Variants in SLC6A20 observed in about 807,000 individuals in gnomAD.
The protein encoded by SLC6A20 is solute carrier family 6 member 20.
Under a neutral mutation model 64.3 loss-of-function variants are expected in SLC6A20, and 73 were observed. The observed-to-expected ratio is 1.14, with a 90% CI of 0.94 to 1.38. The LOEUF (loss-of-function observed/expected upper bound fraction) is 1.38. SLC6A20 is among the 40% of genes most tolerant of loss of function. The pLI, the probability that SLC6A20 is intolerant of heterozygous loss-of-function variation, is 0.00. For missense variants in SLC6A20, 725 were observed against 772.8 expected (o/e 0.94, Z 0.73); for synonymous variants, 347 against 329.6 (o/e 1.05, Z -0.57).
At chr3:45,773,366 A>G (rs1699909918) in intron 4 of SLC6A20, among the ~76,000 whole-genome samples, 1 of 152,176 alleles carries the variant, frequency 6.6e-6, no homozygotes, top group East Asian at 1.9e-4. Context: ...TGTCAACCAG[A>G]TCTTCTTTCT....
intron 1 of SLC6A20, among the ~76,000 whole-genome samples, chr3:45,784,886 A>AAGGGAGCAAG (rs1398786891): frequency 3.9e-5 from 6 of 152,070 alleles, no homozygotes; most frequent in Non-Finnish European, 8.8e-5. Flanking sequence ...AGAGGGAGCA[A>AAGGGAGCAAG]AGGGAGCAAG....
At position 45,765,463 on chromosome 3, in the gene SLC6A20, G is replaced by T; in HGVS notation, c.1303+74C>A. 6.6e-7 allele frequency: 1 copy of T among 1,516,400 alleles called. No individual in the cohort carries two copies. Among genetic ancestry groups the T allele is most frequent in the East Asian group, 2.4e-5 (1 of 40,980 alleles). 93.9% of individuals were successfully genotyped at this position (1,516,400 alleles called of 1,614,324 possible). ...CCTGAACCAGCCCATGACCCCTGAGGGAGCTCTCCCCTGTTCACCCCCACG... is the reference window on the plus strand; with the variant it reads ...CCTGAACCAGCCCATGACCCCTGAGTGAGCTCTCCCCTGTTCACCCCCACG... On this transcript the variant is annotated intron_variant, in intron 8 of 10. Coordinates refer to ENST00000358525, the MANE Select transcript of SLC6A20 (RefSeq NM_020208.4). The surrounding 1 kb of genome is among the most constrained non-coding windows in gnomAD (Gnocchi z 4.2).
chr3:45,789,874 G>A (rs1700221534), intron 1 of SLC6A20, among the ~76,000 whole-genome samples: 1 of 152,136 alleles, frequency 6.6e-6, no homozygotes, highest in Non-Finnish European at 1.5e-5. Flanking sequence ...TTACAGGCAT[G>A]AGCCTCCACA....
intron 1 of SLC6A20, among the ~76,000 whole-genome samples, chr3:45,785,472 C>A (rs1700154557): frequency 6.6e-6 from 1 of 152,188 alleles, no homozygotes; most frequent in Admixed American, 6.5e-5. Context: ...TTCTCCCGTG[C>A]TGGATGCTTC....
At chr3:45,773,178 A>G (rs1699905973) in intron 4 of SLC6A20, among the ~76,000 whole-genome samples, 1 of 152,166 alleles carries the variant, frequency 6.6e-6, no homozygotes, top group African/African-American at 2.4e-5. Context: ...TTTCCCCAGG[A>G]CTGGGGCCTG....
rs138228963 is a variant in SLC6A20, at chr3:45,782,814, T to C, written c.122-591A>G. On this transcript the variant is annotated intron_variant, in intron 1 of 10. Transcript: ENST00000358525. ...CAGCCATGTCAGTTGTTGAACTCTT[T>C]AAATTCATCCTCGCTGGGAGGCAAA... Among the ~76,000 whole-genome samples the C allele has an allele frequency of 3.1e-4, 47 of 152,354 alleles. No homozygotes were observed. The East Asian group carries it at 7.7e-3, about 25-fold the overall frequency.
chr3:45,772,301 T>G (rs150381311), intron 5 of SLC6A20: 1 of 526,160 alleles, frequency 1.9e-6, no homozygotes, highest in East Asian at 3.4e-5. Flanking sequence ...GCTCCAGAAT[T>G]AACAGGGAGT....
chr3:45,780,747 C>CG (rs1700069492), intron 2 of SLC6A20, among the ~76,000 whole-genome samples: 2 of 152,160 alleles, frequency 1.3e-5, no homozygotes, highest in African/African-American at 4.8e-5. Flanking sequence ...TGAGAACCAG[C>CG]GTCCCCTCCT....
chr3:45,775,674 G>C (rs1229895075), intron 4 of SLC6A20, 87 bp downstream of exon 4: 1 of 1,320,560 alleles, frequency 7.6e-7, no homozygotes, highest in Admixed American at 2.0e-5. Context: ...CCTTGGCATT[G>C]CCTAGGGTTG....
chr3:45,761,795 C>G (rs1699687343), intron 9 of SLC6A20, among the ~76,000 whole-genome samples: 1 of 152,190 alleles, frequency 6.6e-6, no homozygotes, highest in African/African-American at 2.4e-5. Context: ...CCACAACTGT[C>G]TTTAAGATTC....
intron 10 of SLC6A20, 82 bp downstream of exon 10, chr3:45,759,775 C>T: frequency 4.7e-6 from 7 of 1,474,658 alleles, no homozygotes; most frequent in African/African-American, 2.8e-5. Context: ...TGGAAATAGT[C>T]CCCTGGTTTC....
In SLC6A20 at chr3:45,758,647, T is replaced by C. The variant is rs1422425829; in HGVS notation, c.*331A>G. On this transcript the variant is annotated 3_prime_UTR_variant, in exon 11 of 11. Coordinates refer to ENST00000358525, the MANE Select transcript of SLC6A20 (RefSeq NM_020208.4). ...AAAAACAAAAATTGCTTAAATTTGG[T>C]CCCATAAGAATTATAGTCATATTTC... The C allele has an allele frequency of 1.7e-6, 2 of 1,144,764 alleles. No homozygotes were observed. The highest frequency in any genetic ancestry group is 1.1e-6 in the Non-Finnish European group (1 of 927,182). 70.9% of individuals were successfully genotyped at this position (1,144,764 alleles called of 1,614,324 possible). A position where few individuals can be genotyped will look rare whatever the true frequency, so the allele number is the denominator to read the frequency against.
chr3:45,764,235 C>T (rs1391956317), intron 8 of SLC6A20, among the ~76,000 whole-genome samples: 1 of 152,206 alleles, frequency 6.6e-6, no homozygotes, highest in Non-Finnish European at 1.5e-5. Context: ...TGTCCATCAA[C>T]AGCAGAATGG....
At chr3:45,787,253 G>A (rs1338542942) in intron 1 of SLC6A20, among the ~76,000 whole-genome samples, 1 of 152,064 alleles carries the variant, frequency 6.6e-6, no homozygotes, top group African/African-American at 2.4e-5. Context: ...CTTCCTGCTG[G>A]TCTGGCCTCA....
chr3:45,765,678 A>T lies in SLC6A20; in HGVS notation c.1162T>A (p.Ser388Thr), dbSNP rs923039290. Residue 388 changes from serine (S) to threonine (T), a missense_variant, in exon 8 of 11, where the codon TCC (serine) becomes ACC (threonine). Physicochemically the swap from Ser to Thr is moderately conservative, Grantham distance 58. Transcript: ENST00000358525. This position sits in a 1 kb window ranked among gnomAD's most constrained non-coding sequence, Gnocchi z 4.2. ...YTEAIKNMEV[S>T]QLWSVLYFFM... ...AAGTAGAGCACCGACCACAGCTGGG[A>T]CACCTCCATGTTTTTAATGGCCTCT... 2.5e-6 allele frequency: 4 copies of T among 1,614,214 alleles called. No individual in the cohort carries two copies. The Admixed American group carries it at 6.7e-5, about 27-fold the overall frequency.
chr3:45,759,785 C>A, intron 10 of SLC6A20, 72 bp downstream of exon 10: 2 of 1,518,238 alleles, frequency 1.3e-6, no homozygotes, highest in Non-Finnish European at 1.8e-6. Flanking sequence ...CCCCTGGTTT[C>A]GGAAAATGAA....
chr3:45,793,669 T>C (rs1230026975), intron 1 of SLC6A20, among the ~76,000 whole-genome samples: 2 of 152,086 alleles, frequency 1.3e-5, no homozygotes, highest in Non-Finnish European at 2.9e-5. Context: ...CCCTAATCCG[T>C]CTTATTCTGG....
rs1423680703 is a variant in SLC6A20, at chr3:45,758,150, T to G, written c.*828A>C. On this transcript the variant is annotated 3_prime_UTR_variant, in exon 11 of 11. Coordinates refer to ENST00000358525, the MANE Select transcript of SLC6A20 (RefSeq NM_020208.4). ...CCAGGCTGGCCTCAAACTCCTGACC[T>G]CAAGTGATCCACCCACCTTGACCCC... is the stretch of plus-strand genomic sequence containing the variant. 1 of 168,104 alleles carries G rather than the reference T, an allele frequency of 5.9e-6. No individual in the cohort carries two copies. The highest frequency in any genetic ancestry group is 1.3e-5 in the Non-Finnish European group (1 of 77,618). 10.4% of individuals were successfully genotyped at this position (168,104 alleles called of 1,614,324 possible).
intron 7 of SLC6A20, among the ~76,000 whole-genome samples, chr3:45,769,990 C>T (rs770239751): frequency 8.5e-5 from 13 of 152,316 alleles, no homozygotes; most frequent in Non-Finnish European, 1.6e-4. Context: ...AGAGAAAGGA[C>T]AGAGAGGTCC....
Sources: gnomAD v4.1 joint callset for allele counts (sites outside exome capture counted in the v4.1 genomes callset) on GRCh38, gnomAD v4.1.1 for gene constraint, Gnocchi (gnomAD v3.1) non-coding constraint, MANE v1.5 for transcripts, NCBI Gene and HGNC (gene_info 2026-07-23, HGNC 2026-07-21) for gene names.